Variants in MRPL1 observed in about 807,000 individuals in gnomAD.
MRPL1 encodes the protein mitochondrial ribosomal protein L1.
MRPL1 carries 28 observed loss-of-function variants against 38.0 expected under a neutral mutation model. The ratio of observed to expected loss-of-function variants is 0.74; its 90% CI spans 0.55 to 1.01. The LOEUF (loss-of-function observed/expected upper bound fraction) is 1.01. Among genes scored for constraint, MRPL1 ranks in the 50% least tolerant of loss-of-function variants. MRPL1 has a pLI of 0.00. For missense variants in MRPL1, 358 were observed against 389.8 expected (o/e 0.92, Z 0.69); for synonymous variants, 123 against 126.7 (o/e 0.97, Z 0.20).
chr4:77,887,138 ATTAT>A (rs1735696264), intron 4 of MRPL1, 78 bp from the exon 5 acceptor site: 1 of 1,112,368 alleles, frequency 9.0e-7, no homozygotes, highest in African/African-American at 1.6e-5. Flanking sequence ...GAACTGTGAT[ATTAT>A]TTCTGACAAC....
At chr4:77,888,059 G>C (rs1179943944) in intron 5 of MRPL1, among the ~76,000 whole-genome samples, 1 of 152,044 alleles carries the variant, frequency 6.6e-6, no homozygotes, top group Non-Finnish European at 1.5e-5. Flanking sequence ...TGGAGTGAAG[G>C]TGTAATTCAC....
chr4:77,939,434 T>C (rs1737066755), intron 7 of MRPL1, among the ~76,000 whole-genome samples: 1 of 152,228 alleles, frequency 6.6e-6, no homozygotes, highest in African/African-American at 2.4e-5. Flanking sequence ...AGATTCTGGA[T>C]ATTAGTCCTT....
intron 6 of MRPL1, among the ~76,000 whole-genome samples, chr4:77,894,468 C>A (rs1046648755): frequency 2.0e-5 from 3 of 151,930 alleles, no homozygotes; most frequent in South Asian, 2.1e-4. Flanking sequence ...TTTATAATAC[C>A]AGTTTTTAAA....
intron 7 of MRPL1, among the ~76,000 whole-genome samples, chr4:77,936,775 CAT>C (rs1446733080): frequency 6.6e-6 from 1 of 152,126 alleles, no homozygotes; most frequent in Non-Finnish European, 1.5e-5. Flanking sequence ...TCAAGGCTCT[CAT>C]ACACACAGAA....
intron 4 of MRPL1, among the ~76,000 whole-genome samples, chr4:77,886,545 G>A (rs776694249): frequency 5.3e-5 from 8 of 152,202 alleles, no homozygotes; most frequent in Admixed American, 1.3e-4. Flanking sequence ...CGTTGGTCAG[G>A]CTGGTCTCGA....
intron 6 of MRPL1, among the ~76,000 whole-genome samples, chr4:77,897,349 G>A (rs1735941132): frequency 6.6e-6 from 1 of 152,080 alleles, no homozygotes; most frequent in African/African-American, 2.4e-5. Context: ...GGGATTACAG[G>A]CGTGAACCAC....
At position 77,883,445 on chromosome 4, in the gene MRPL1, G is replaced by T. The variant is rs531880809; in HGVS notation, c.347G>T (p.Ser116Ile). ...LKKFQILDFT[S>I]PKQSVYLDLT... Reference sequence around the variant, plus strand: ...AAATTTCAAATTCTTGACTTTACTAGTCCAAAGCAAAGTGTTTATCTTGAT... The same window carrying T: ...AAATTTCAAATTCTTGACTTTACTATTCCAAAGCAAAGTGTTTATCTTGAT... The change falls in exon 3 of 9, where the codon AGT becomes ATT. Residue 116 changes from serine to isoleucine, a missense_variant. Transcript: ENST00000315567. 1.2e-6 allele frequency: 2 copies of T among 1,613,742 alleles called. No homozygotes were observed. The highest frequency in any genetic ancestry group is 2.2e-5 in the South Asian group (2 of 91,056).
At chr4:77,908,926 C>T (rs1199204023) in intron 6 of MRPL1, among the ~76,000 whole-genome samples, 1 of 152,230 alleles carries the variant, frequency 6.6e-6, no homozygotes, top group Non-Finnish European at 1.5e-5. Flanking sequence ...AGTCTGCTCT[C>T]AGCTTATTGC....
At chr4:77,891,079 A>G (rs557876930) in intron 5 of MRPL1, among the ~76,000 whole-genome samples, 2 of 152,290 alleles carry the variant, frequency 1.3e-5, no homozygotes, top group East Asian at 3.9e-4. Flanking sequence ...AGTGGAAAGT[A>G]GGAAGAGTAT....
chr4:77,923,157 G>A (rs1161631883), intron 7 of MRPL1, among the ~76,000 whole-genome samples: 2 of 152,122 alleles, frequency 1.3e-5, no homozygotes, highest in South Asian at 2.1e-4. Context: ...GTGCAGTGGC[G>A]TGATCTTGGC....
At chr4:77,894,605 T>G (rs1463481387) in intron 6 of MRPL1, among the ~76,000 whole-genome samples, 1 of 152,148 alleles carries the variant, frequency 6.6e-6, no homozygotes, top group Admixed American at 6.5e-5. Context: ...TATTTAAAAG[T>G]GTTCAACATA....
At chr4:77,885,820 TTA>T (rs1735665169) in intron 4 of MRPL1, among the ~76,000 whole-genome samples, 1 of 152,216 alleles carries the variant, frequency 6.6e-6, no homozygotes, top group Non-Finnish European at 1.5e-5. Flanking sequence ...TTATTTGAGG[TTA>T]TATTATTAGC....
At chr4:77,943,625 A>G (rs536131844) in intron 7 of MRPL1, among the ~76,000 whole-genome samples, 2 of 152,142 alleles carry the variant, frequency 1.3e-5, no homozygotes, top group South Asian at 2.1e-4. Flanking sequence ...CTTGTCTTCA[A>G]GCTCTGAAAT....
At chr4:77,910,502 G>A (rs1326381747) in intron 7 of MRPL1, among the ~76,000 whole-genome samples, 2 of 152,134 alleles carry the variant, frequency 1.3e-5, no homozygotes. Flanking sequence ...AGTTGAGTGT[G>A]GTGGCATGCA....
intron 7 of MRPL1, among the ~76,000 whole-genome samples, chr4:77,948,278 GGTAAA>G (rs1238912734): frequency 1.3e-5 from 2 of 152,102 alleles, no homozygotes; most frequent in East Asian, 1.9e-4. Context: ...GACAATTTGA[GGTAAA>G]GTAGAGAATT....
chr4:77,927,054 C>G (rs761557239), intron 7 of MRPL1, among the ~76,000 whole-genome samples: 1 of 150,956 alleles, frequency 6.6e-6, no homozygotes, highest in Non-Finnish European at 1.5e-5. Flanking sequence ...CTTTTTTATC[C>G]CACTCTTTTA....
chr4:77,896,640 T>C (rs1045546822), intron 6 of MRPL1, among the ~76,000 whole-genome samples: 7 of 152,204 alleles, frequency 4.6e-5, no homozygotes, highest in Admixed American at 3.3e-4. Flanking sequence ...AAAATAGAAA[T>C]TACATTTTGA....
intron 6 of MRPL1, among the ~76,000 whole-genome samples, chr4:77,901,890 A>G (rs1736043031): frequency 6.6e-6 from 1 of 152,206 alleles, no homozygotes; most frequent in Non-Finnish European, 1.5e-5. Context: ...AACAACAGCA[A>G]ATGTTGTTTG....
chr4:77,931,383 G>A (rs1275170023), intron 7 of MRPL1, among the ~76,000 whole-genome samples: 1 of 152,182 alleles, frequency 6.6e-6, no homozygotes, highest in Non-Finnish European at 1.5e-5. Flanking sequence ...AGGAGAAGCT[G>A]CATTCGAAAG....
Sources: gnomAD v4.1 joint callset for allele counts (sites outside exome capture counted in the v4.1 genomes callset) on GRCh38, gnomAD v4.1.1 for gene constraint, MANE v1.5 for transcripts, NCBI Gene and HGNC (gene_info 2026-07-23, HGNC 2026-07-21) for gene names.